Variants in MAP3K20 observed in about 807,000 individuals in gnomAD.
MAP3K20 encodes the protein HCCS-4.
Under a neutral mutation model 85.7 loss-of-function variants are expected in MAP3K20, and 40 were observed. The ratio of observed to expected loss-of-function variants is 0.47; its 90% CI spans 0.36 to 0.61. MAP3K20 has a LOEUF of 0.61. MAP3K20 is among the 20% of genes least tolerant of loss of function. The pLI, the probability that MAP3K20 is intolerant of heterozygous loss-of-function variation, is 0.00. For synonymous variants in MAP3K20, 325 were observed against 327.7 expected, an observed-to-expected ratio of 0.99 and a Z score of 0.09; for missense variants, 817 against 961.7, an observed-to-expected ratio of 0.85 and a Z score of 1.99.
chr2:173,131,275 C>T (rs983792760), intron 2 of MAP3K20, among the ~76,000 whole-genome samples: 6 of 152,176 alleles, frequency 3.9e-5, no homozygotes, highest in African/African-American at 7.2e-5. Flanking sequence ...GTAATATACA[C>T]ACATATAAAG....
Position 173,266,428 on chromosome 2 carries a change from G to A in MAP3K20, c.2081G>A (p.Gly694Glu). Residue 694 changes from glycine to glutamate, a missense_variant, in exon 20 of 20, where the codon GGA becomes GAA. Gly to Glu is a moderately conservative substitution (Grantham distance 98). This residue lies in a region of MAP3K20 where 454 missense variants were observed against 476.9 expected (regional missense o/e 0.95). Coordinates refer to ENST00000375213, the MANE Select transcript of MAP3K20 (RefSeq NM_016653.3). ...GSISLNSSPR[G>E]RYSGKSQHST... ...ATATCACTCAATTCTTCTCCTAGAG[G>A]AAGATACAGTGGAAAGAGTCAGCAT... 1.2e-6 allele frequency: 2 copies of A among 1,614,124 alleles called. No homozygotes were observed. Among genetic ancestry groups the A allele is most frequent in the South Asian group, 1.1e-5 (1 of 91,074 alleles).
chr2:173,206,082 CATAA>C (rs1453706137), intron 9 of MAP3K20, among the ~76,000 whole-genome samples: 2 of 152,152 alleles, frequency 1.3e-5, no homozygotes, highest in Admixed American at 1.3e-4. Flanking sequence ...CTCTCTGATA[CATAA>C]ATAGAAATTT....
chr2:173,229,616 G>A (rs1684473170), intron 11 of MAP3K20, 73 bp from the exon 12 acceptor site: 3 of 1,593,170 alleles, frequency 1.9e-6, no homozygotes, highest in Non-Finnish European at 2.6e-6. Context: ...GAAAGAGTGA[G>A]ACAAGAGGAT....
At chr2:173,216,447 C>T (rs1195145809) in intron 10 of MAP3K20, among the ~76,000 whole-genome samples, 1 of 151,998 alleles carries the variant, frequency 6.6e-6, no homozygotes, top group Non-Finnish European at 1.5e-5. Flanking sequence ...CCCACCCAGG[C>T]CTACTGACTC....
At chr2:173,256,140 G>A (rs945607951) in intron 16 of MAP3K20, among the ~76,000 whole-genome samples, 11 of 152,194 alleles carry the variant, frequency 7.2e-5, no homozygotes, top group Non-Finnish European at 1.0e-4. Context: ...GAGGCTTTCC[G>A]AAAACATCAG....
chr2:173,125,227 C>T lies in MAP3K20; in HGVS notation c.159+34037C>T, dbSNP rs145340497. On this transcript the variant is annotated intron_variant, in intron 2 of 19. Transcript: ENST00000375213. ...TGTTGAATCCACCATTAAATATATC[C>T]CTTATAGAATCTCTTATCTTCTAAA... Among the ~76,000 whole-genome samples, 359 of 152,180 alleles carry T rather than the reference C, an allele frequency of 2.4e-3. 3 individuals carry two copies. The highest frequency in any genetic ancestry group is 8.2e-3 in the African/African-American group (341 of 41,506).
chr2:173,175,806 G>T (rs1247511888), intron 3 of MAP3K20, among the ~76,000 whole-genome samples: 1 of 152,142 alleles, frequency 6.6e-6, no homozygotes, highest in Non-Finnish European at 1.5e-5. Context: ...ATTTATGGGT[G>T]TTTGACTAGA....
At chr2:173,108,525 G>A (rs1471300401) in intron 2 of MAP3K20, among the ~76,000 whole-genome samples, 25 of 152,184 alleles carry the variant, frequency 1.6e-4, no homozygotes, top group Admixed American at 1.6e-3. Flanking sequence ...AGGAATCATT[G>A]TTATATCAGC....
At chr2:173,183,002 C>T (rs1320050394) in intron 4 of MAP3K20, 47 bp downstream of exon 4, 1 of 1,469,136 alleles carries the variant, frequency 6.8e-7, no homozygotes, top group Non-Finnish European at 9.4e-7. Context: ...GGTGCATTTT[C>T]CCCTCCTGAA....
intron 2 of MAP3K20, among the ~76,000 whole-genome samples, chr2:173,126,284 A>G (rs77060352): frequency 0.047 from 7,165 of 152,288 alleles, 377 homozygotes; most frequent in African/African-American, 0.12. Context: ...TTGGGCAAGA[A>G]AGAGATGATT....
At chr2:173,252,312 C>G (rs1685058150) in intron 16 of MAP3K20, among the ~76,000 whole-genome samples, 1 of 152,220 alleles carries the variant, frequency 6.6e-6, no homozygotes, top group Admixed American at 6.5e-5. Context: ...TTTATCTTCA[C>G]AGTGTAAGAG....
intron 19 of MAP3K20, 22 bp from the exon 20 acceptor site, chr2:173,266,028 C>G: frequency 6.5e-7 from 1 of 1,544,238 alleles, no homozygotes; most frequent in Non-Finnish European, 8.8e-7. Context: ...TTAAAAGATG[C>G]TCATTTCCAT....
At chr2:173,191,903 G>A (rs1378818012) in intron 7 of MAP3K20, among the ~76,000 whole-genome samples, 1 of 152,226 alleles carries the variant, frequency 6.6e-6, no homozygotes, top group Non-Finnish European at 1.5e-5. Context: ...TGAGGAATAG[G>A]TTATACCTGC....
chr2:173,105,054 A>G (rs1275437419), intron 2 of MAP3K20, among the ~76,000 whole-genome samples: 1 of 152,212 alleles, frequency 6.6e-6, no homozygotes, highest in East Asian at 1.9e-4. Context: ...GGCAATTATA[A>G]GAGCCTCCGA....
At chr2:173,217,318 A>G in intron 11 of MAP3K20, 68 bp downstream of exon 11, 1 of 1,356,682 alleles carries the variant, frequency 7.4e-7, no homozygotes, top group Middle Eastern at 2.2e-4. Context: ...GCATGGCAGC[A>G]TGGCACCTCT....
chr2:173,105,286 T>C (rs1467023713), intron 2 of MAP3K20, among the ~76,000 whole-genome samples: 1 of 152,062 alleles, frequency 6.6e-6, no homozygotes. Context: ...GTGGTTGAAT[T>C]TGGGGTAGAG....
At chr2:173,183,146 T>C (rs183619036) in intron 4 of MAP3K20, among the ~76,000 whole-genome samples, 191 bp downstream of exon 4, 1 of 152,274 alleles carries the variant, frequency 6.6e-6, no homozygotes, top group African/African-American at 2.4e-5. Context: ...CTGAATTCCT[T>C]TTATCTTCCT....
rs1306535738 is a variant in MAP3K20, at chr2:173,198,035, G to A, written c.592G>A (p.Glu198Lys). Residue 198 changes from glutamate (E) to lysine (K), a missense_variant, in exon 8 of 20, where the codon GAG becomes AAG. By Grantham distance (56) the Glu-to-Lys change is moderately conservative (BLOSUM62 1). Coordinates refer to ENST00000375213, the MANE Select transcript of MAP3K20 (RefSeq NM_016653.3). The surrounding 1 kb of genome is among the most constrained non-coding windows in gnomAD (Gnocchi z 5.8). ...TTTCTTTTTGTTCCAGGTTCTCTGG[G>A]AGATGCTAACAAGGGAGGTCCCCTT... ...DTYSYGVVLWEMLTREVPFKG... is the reference protein window; with the variant it reads ...DTYSYGVVLWKMLTREVPFKG... 2 of 1,611,586 alleles carry A rather than the reference G, an allele frequency of 1.2e-6. No homozygotes were observed. Among genetic ancestry groups the A allele is most frequent in the Admixed American group, 1.7e-5 (1 of 59,770 alleles).
intron 8 of MAP3K20, among the ~76,000 whole-genome samples, chr2:173,200,305 A>G (rs943690078): frequency 2.6e-5 from 4 of 152,234 alleles, no homozygotes; most frequent in Non-Finnish European, 4.4e-5. Flanking sequence ...TTCTGTTGAC[A>G]TAGCATAAAG....
Sources: allele counts gnomAD v4.1 joint callset (sites outside exome capture counted in the v4.1 genomes callset), GRCh38; gene constraint gnomAD v4.1.1; regional missense constraint gnomAD v4.1.1; non-coding constraint Gnocchi (gnomAD v3.1); transcripts MANE v1.5; gene names NCBI Gene and HGNC (gene_info 2026-07-23, HGNC 2026-07-21).